The following LRRK2 variants were observed in gnomAD, a reference collection of about 807,000 sequenced individuals.
LRRK2 encodes leucine-rich repeat serine/threonine-protein kinase 2.
LRRK2 carries 203 observed loss-of-function variants against 302.6 expected under a neutral mutation model. The observed-to-expected ratio is 0.67, with a 90% CI of 0.60 to 0.75. The LOEUF (loss-of-function observed/expected upper bound fraction) is 0.75, where lower values mean the gene tolerates loss of function less well. LRRK2 is among the 30% of genes least tolerant of loss of function. The probability of loss-of-function intolerance (pLI) is 0.00; values close to 1 mark genes in which losing one functional copy is unlikely to be tolerated. For missense variants in LRRK2, 2,830 were observed against 2,951.0 expected (o/e 0.96, Z 0.95); for synonymous variants, 1,066 against 1,031.9 (o/e 1.03, Z -0.63).
intron 41 of LRRK2, among the ~76,000 whole-genome samples, chr12:40,342,768 AACTTCT>A (rs1261328478): frequency 6.6e-6 from 1 of 152,188 alleles, no homozygotes; most frequent in African/African-American, 2.4e-5. Flanking sequence ...TTAACATGGA[AACTTCT>A]AGAGAAACAA....
intron 14 of LRRK2, among the ~76,000 whole-genome samples, chr12:40,273,175 A>T (rs1229255785): frequency 6.6e-6 from 1 of 152,198 alleles, no homozygotes; most frequent in Non-Finnish European, 1.5e-5. Context: ...ATATTTCTTG[A>T]ATAAAAGTTC....
At chr12:40,355,740 C>T (rs1030458540) in intron 45 of LRRK2, among the ~76,000 whole-genome samples, 2 of 151,958 alleles carry the variant, frequency 1.3e-5, no homozygotes, top group African/African-American at 4.8e-5. Flanking sequence ...AACGGGATTT[C>T]ACCATGTTAG....
At chr12:40,324,240 T>G (rs1163506024) in intron 38 of LRRK2, among the ~76,000 whole-genome samples, 1 of 152,190 alleles carries the variant, frequency 6.6e-6, no homozygotes, top group East Asian at 1.9e-4. Context: ...ACAAATTTTT[T>G]TAATTGACAA....
rs200787476 is a variant in LRRK2, at chr12:40,274,926, A to G, written c.1874A>G (p.His625Arg). The G allele has an allele frequency of 3.2e-5, 51 of 1,613,854 alleles. No homozygotes were observed. The highest frequency in any genetic ancestry group is 3.0e-4 in the Admixed American group (18 of 59,994). Residue 625 changes from histidine (H) to arginine (R), a missense_variant, in exon 16 of 51, where the codon CAT becomes CGT. Transcript: ENST00000298910. The stretch of plus-strand genomic sequence containing the variant: ...AAGAATGTGTTCATAGGAACTGGAC[A>G]TCTGCTGGCAAAAATTCTGGTTTCC... ...TKKNVFIGTG[H>R]LLAKILVSSL...
rs11317573 is a variant in LRRK2, at chr12:40,363,384, AT to A, written c.7029-9del. 0.65 allele frequency: 1,038,576 copies of A among 1,599,268 alleles called. 339,400 individuals carry two copies. Among genetic ancestry groups the A allele is most frequent in the Non-Finnish European group, 0.67 (783,512 of 1,170,222 alleles). ...AGAAAACAAATAGTGATGACTTTCT[AT>A]TTTTTTTTCTCTGTAGGTTTTCTTA... On this transcript the variant is annotated splice_polypyrimidine_tract_variant and intron_variant, in intron 47 of 50. Transcript: ENST00000298910.
intron 33 of LRRK2, among the ~76,000 whole-genome samples, chr12:40,316,994 C>T (rs531540194): frequency 1.3e-5 from 2 of 152,088 alleles, no homozygotes; most frequent in East Asian, 3.9e-4. Flanking sequence ...AAGTTGCACA[C>T]ATGTGAACAT....
chr12:40,252,305 A>G (rs1433801005), intron 10 of LRRK2, among the ~76,000 whole-genome samples: 2 of 152,228 alleles, frequency 1.3e-5, no homozygotes, highest in Non-Finnish European at 2.9e-5. Flanking sequence ...TGCTGATAAG[A>G]AGGGAATTAA....
At chr12:40,290,135 C>T (rs1944085033) in intron 20 of LRRK2, among the ~76,000 whole-genome samples, 1 of 151,828 alleles carries the variant, frequency 6.6e-6, no homozygotes, top group Admixed American at 6.6e-5. Flanking sequence ...CTTTTTTTAT[C>T]ATTAATAGGT....
At chr12:40,299,386 A>C in intron 25 of LRRK2, 129 bp downstream of exon 25, 2 of 1,054,674 alleles carry the variant, frequency 1.9e-6, no homozygotes, top group South Asian at 2.7e-5. Flanking sequence ...GATTTAAAAA[A>C]TAAAATTAGC....
intron 13 of LRRK2, among the ~76,000 whole-genome samples, chr12:40,263,540 G>A (rs1362509885): frequency 6.6e-6 from 1 of 152,008 alleles, no homozygotes; most frequent in African/African-American, 2.4e-5. Flanking sequence ...CTTCACCATC[G>A]TAATTTTTTG....
intron 39 of LRRK2, among the ~76,000 whole-genome samples, chr12:40,330,998 TA>T (rs1335942939): frequency 2.0e-5 from 3 of 152,234 alleles, no homozygotes; most frequent in Admixed American, 2.0e-4. Flanking sequence ...TGTTTTTGGA[TA>T]AAATGTCCAT....
At position 40,305,767 on chromosome 12, in the gene LRRK2, C is replaced by T. The variant is rs1592261737; in HGVS notation, c.3778-18C>T. On this transcript the variant is annotated intron_variant, in intron 27 of 50. Transcript: ENST00000298910. ...TTCCTTCCCACCAACAGGTTTTGCCCTTTTTTTTCCCATTAAGATTCCTCC... is the reference window on the plus strand; with the variant it reads ...TTCCTTCCCACCAACAGGTTTTGCCTTTTTTTTTCCCATTAAGATTCCTCC... 2 of 1,610,816 alleles carry T rather than the reference C, an allele frequency of 1.2e-6. No homozygotes were observed. The highest frequency in any genetic ancestry group is 1.1e-5 in the South Asian group (1 of 90,956).
Position 40,287,515 on chromosome 12 carries a change from C to T in LRRK2, c.2665C>T (p.Gln889Ter). 1 of 1,612,198 alleles carries T rather than the reference C, an allele frequency of 6.2e-7. No individual in the cohort carries two copies. Among genetic ancestry groups the T allele is most frequent in the Non-Finnish European group, 8.5e-7 (1 of 1,178,858 alleles). The change falls in exon 20 of 51, where the codon CAA (glutamine) becomes TAA (stop). Residue 889 changes from glutamine (Q) to a stop codon, truncating the protein, a stop_gained. Coordinates refer to ENST00000298910, the MANE Select transcript of LRRK2 (RefSeq NM_198578.4). LOFTEE classifies it high-confidence loss of function. ...CTCTTCTATGGACAGTGTGTTTGCTCAAAGTGATGACCTGGATAGTGAAGG... is the reference window on the plus strand; with the variant it reads ...CTCTTCTATGGACAGTGTGTTTGCTTAAAGTGATGACCTGGATAGTGAAGG... ...PDSSMDSVFAQSDDLDSEGSE... is the reference protein window; with the variant it reads ...PDSSMDSVFA
At chr12:40,270,669 C>T (rs762864013) in intron 14 of LRRK2, among the ~76,000 whole-genome samples, 10 of 151,896 alleles carry the variant, frequency 6.6e-5, no homozygotes, top group Non-Finnish European at 1.2e-4. Context: ...GATTTTTTCT[C>T]TTGAAATCCA....
intron 41 of LRRK2, among the ~76,000 whole-genome samples, chr12:40,345,975 GAA>G (rs1465153154): frequency 6.6e-6 from 1 of 152,046 alleles, no homozygotes; most frequent in Non-Finnish European, 1.5e-5. Context: ...TATCATCTTA[GAA>G]AGTGATCCCT....
intron 20 of LRRK2, among the ~76,000 whole-genome samples, chr12:40,291,568 T>C (rs1167277276): frequency 6.6e-6 from 1 of 151,942 alleles, no homozygotes; most frequent in East Asian, 1.9e-4. Context: ...CAGTTTGACT[T>C]TTTTGTGCTC....
chr12:40,232,443 C>G, intron 3 of LRRK2, 60 bp downstream of exon 3: 1 of 1,189,708 alleles, frequency 8.4e-7, no homozygotes, highest in Non-Finnish European at 1.3e-6. Context: ...CACATGACAA[C>G]CTTCCCTTGA....
At chr12:40,346,052 T>C (rs1946183296) in intron 41 of LRRK2, among the ~76,000 whole-genome samples, 1 of 152,206 alleles carries the variant, frequency 6.6e-6, no homozygotes, top group African/African-American at 2.4e-5. Flanking sequence ...TTAGGTTGAT[T>C]ATATTTTTAT....
At chr12:40,324,845 G>C (rs1945498403) in intron 38 of LRRK2, among the ~76,000 whole-genome samples, 1 of 152,194 alleles carries the variant, frequency 6.6e-6, no homozygotes. Flanking sequence ...AGGTATACAG[G>C]AAAGTACCAG....
Sources: allele counts gnomAD v4.1 joint callset (sites outside exome capture counted in the v4.1 genomes callset), GRCh38; gene constraint gnomAD v4.1.1; transcripts MANE v1.5; gene names NCBI Gene and HGNC (gene_info 2026-07-23, HGNC 2026-07-21).